Variants in ADAMTSL3 observed in about 807,000 individuals in gnomAD.
ADAMTSL3 encodes the protein ADAMTS-like protein 3.
In ADAMTSL3, 128 loss-of-function variants were observed where a neutral mutation model predicts 201.7. The ratio of observed to expected loss-of-function variants is 0.63; its 90% CI spans 0.55 to 0.73. The LOEUF (loss-of-function observed/expected upper bound fraction) is 0.73, where lower values mean the gene tolerates loss of function less well. ADAMTSL3 is among the 30% of genes least tolerant of loss of function. The pLI, the probability that ADAMTSL3 is intolerant of heterozygous loss-of-function variation, is 0.00. For synonymous variants in ADAMTSL3, 738 were observed against 748.4 expected (o/e 0.99, Z 0.23); for missense variants, 1,990 against 2,119.6 (o/e 0.94, Z 1.20).
At chr15:83,920,148 T>C (rs1413916467) in intron 16 of ADAMTSL3, among the ~76,000 whole-genome samples, 1 of 152,260 alleles carries the variant, frequency 6.6e-6, no homozygotes, top group East Asian at 1.9e-4. Flanking sequence ...AATTCCTTTC[T>C]ACAAATGGTA....
At chr15:83,816,434 T>C (rs1368967415) in intron 5 of ADAMTSL3, among the ~76,000 whole-genome samples, 1 of 152,222 alleles carries the variant, frequency 6.6e-6, no homozygotes, top group Non-Finnish European at 1.5e-5. Flanking sequence ...CTTCCGCTAA[T>C]TAACTCTTGT....
At chr15:83,822,215 G>A (rs1245687898) in intron 6 of ADAMTSL3, among the ~76,000 whole-genome samples, 11 of 141,722 alleles carry the variant, frequency 7.8e-5, no homozygotes, top group African/African-American at 2.1e-4. Context: ...GCTGCCGGGC[G>A]GAGACGCTCC....
intron 6 of ADAMTSL3, among the ~76,000 whole-genome samples, chr15:83,823,355 T>TGG (rs1443269673): frequency 6.6e-6 from 1 of 152,192 alleles, no homozygotes; most frequent in Non-Finnish European, 1.5e-5. Flanking sequence ...ACCTGCTAAG[T>TGG]GTGGGGCACT....
intron 2 of ADAMTSL3, among the ~76,000 whole-genome samples, chr15:83,666,276 G>A (rs1481492669): frequency 2.6e-5 from 4 of 151,984 alleles, no homozygotes; most frequent in Non-Finnish European, 4.4e-5. Context: ...ATGCTTTATT[G>A]ACCAATTCTT....
chr15:84,029,673 C>G (rs1020176967), intron 27 of ADAMTSL3, among the ~76,000 whole-genome samples: 16 of 152,082 alleles, frequency 1.1e-4, no homozygotes, highest in African/African-American at 3.6e-4. Flanking sequence ...TTCAAGCTGG[C>G]TGCAGAAATT....
At chr15:83,712,830 T>C (rs944776759) in intron 3 of ADAMTSL3, among the ~76,000 whole-genome samples, 10 of 152,174 alleles carry the variant, frequency 6.6e-5, no homozygotes, top group African/African-American at 2.4e-4. Context: ...ACCTTCCACT[T>C]CAGTCACCCA....
At chr15:83,991,284 G>A (rs985877503) in intron 23 of ADAMTSL3, 70 bp downstream of exon 23, 174 of 1,599,556 alleles carry the variant, frequency 1.1e-4, no homozygotes, top group Non-Finnish European at 1.5e-4. Flanking sequence ...GTGTTGCCAG[G>A]AAACACCAGC....
intron 16 of ADAMTSL3, among the ~76,000 whole-genome samples, chr15:83,921,525 A>T (rs897751142): frequency 6.6e-6 from 1 of 152,170 alleles, no homozygotes. Context: ...TGTGTGTGTT[A>T]TGTTATTTGA....
chr15:83,712,503 G>T (rs768937363), intron 3 of ADAMTSL3, among the ~76,000 whole-genome samples: 1 of 152,174 alleles, frequency 6.6e-6, no homozygotes, highest in Non-Finnish European at 1.5e-5. Context: ...TCTCATCTCA[G>T]TGCTCCTCTT....
At chr15:83,932,650 A>C (rs1053736774) in intron 17 of ADAMTSL3, among the ~76,000 whole-genome samples, 13 of 152,210 alleles carry the variant, frequency 8.5e-5, no homozygotes, top group Admixed American at 8.5e-4. Context: ...GTAGCCCTTT[A>C]TGTAGGAGTA....
chr15:83,798,820 A>C (rs999539863), intron 4 of ADAMTSL3, among the ~76,000 whole-genome samples: 9 of 151,372 alleles, frequency 5.9e-5, no homozygotes, highest in East Asian at 3.9e-4. Context: ...AAAAAAAAAA[A>C]AAAACAAAAA....
At chr15:83,705,101 C>T (rs1254327349) in intron 3 of ADAMTSL3, among the ~76,000 whole-genome samples, 1 of 152,126 alleles carries the variant, frequency 6.6e-6, no homozygotes, top group Non-Finnish European at 1.5e-5. Context: ...CCTCAATTCA[C>T]CTTGATGCCA....
At chr15:83,796,143 A>G (rs1434467076) in intron 4 of ADAMTSL3, among the ~76,000 whole-genome samples, 10 of 152,220 alleles carry the variant, frequency 6.6e-5, no homozygotes, top group Admixed American at 5.2e-4. Flanking sequence ...TAGGTGTGAG[A>G]TAAGAATGCC....
At chr15:83,704,996 G>A (rs1198377721) in intron 3 of ADAMTSL3, among the ~76,000 whole-genome samples, 1 of 144,878 alleles carries the variant, frequency 6.9e-6, no homozygotes, top group African/African-American at 2.5e-5. Flanking sequence ...GTGTGTGTGT[G>A]TGTTGAAATC....
intron 27 of ADAMTSL3, 95 bp downstream of exon 27, chr15:84,025,531 C>A: frequency 1.6e-6 from 2 of 1,219,452 alleles, no homozygotes; most frequent in Non-Finnish European, 2.3e-6. Context: ...ACTTTTGGGG[C>A]GGGGGGCAGG....
chr15:83,746,234 C>T (rs573728870), intron 3 of ADAMTSL3, among the ~76,000 whole-genome samples: 29 of 151,610 alleles, frequency 1.9e-4, no homozygotes, highest in African/African-American at 6.3e-4. Context: ...CCAGAAGCAC[C>T]GACAGAAAAT....
chr15:83,703,038 G>A (rs1596055568), intron 2 of ADAMTSL3, among the ~76,000 whole-genome samples: 2 of 152,150 alleles, frequency 1.3e-5, no homozygotes, highest in Admixed American at 6.6e-5. Context: ...TTGCCTCAGC[G>A]TGACCTGGAC....
At chr15:83,898,132 G>A in intron 14 of ADAMTSL3, 127 bp downstream of exon 14, 2 of 1,042,870 alleles carry the variant, frequency 1.9e-6, no homozygotes, top group Non-Finnish European at 2.7e-6. Context: ...GATTGCAATA[G>A]ACCTTCCCAT....
chr15:83,875,572 C>G (rs1200999096), intron 9 of ADAMTSL3, among the ~76,000 whole-genome samples: 1 of 152,154 alleles, frequency 6.6e-6, no homozygotes, highest in Non-Finnish European at 1.5e-5. Flanking sequence ...ATCATGAGAT[C>G]AGGAGATCAA....
Sources: gnomAD v4.1 joint callset for allele counts (sites outside exome capture counted in the v4.1 genomes callset) on GRCh38, gnomAD v4.1.1 for gene constraint, MANE v1.5 for transcripts, NCBI Gene and HGNC (gene_info 2026-07-23, HGNC 2026-07-21) for gene names.